ITSN2: variants seen among roughly 807,000 people sequenced by gnomAD.
ITSN2 encodes the protein intersectin 2, also known as intersectin-2.
Under a neutral mutation model 243.7 loss-of-function variants are expected in ITSN2, and 156 were observed. The observed-to-expected ratio is 0.64, with a 90% CI of 0.56 to 0.73. The LOEUF is 0.73. Among genes scored for constraint, ITSN2 ranks in the 30% least tolerant of loss-of-function variants. The probability of loss-of-function intolerance (pLI) is 0.00; values close to 1 mark genes in which losing one functional copy is unlikely to be tolerated. For synonymous variants in ITSN2, 703 were observed against 699.9 expected (o/e 1.00, Z -0.07); for missense variants, 1,801 against 1,996.1 (o/e 0.90, Z 1.86).
At chr2:24,205,180 T>A in intron 38 of ITSN2, 34 bp downstream of exon 38, 3 of 1,574,552 alleles carry the variant, frequency 1.9e-6, no homozygotes, top group Non-Finnish European at 2.6e-6. Flanking sequence ...GGCAGGGCAG[T>A]TATGTCTGCT....
intron 4 of ITSN2, 75 bp from the exon 5 acceptor site, chr2:24,312,450 C>T: frequency 2.6e-6 from 3 of 1,150,256 alleles, no homozygotes; most frequent in Non-Finnish European, 3.6e-6. Context: ...TGGGGATTGA[C>T]AAAGTAAAAA....
At chr2:24,306,555 A>G (rs950882957) in intron 8 of ITSN2, among the ~76,000 whole-genome samples, 3 of 152,214 alleles carry the variant, frequency 2.0e-5, no homozygotes, top group East Asian at 1.9e-4. Context: ...TTATCGCTTT[A>G]AAGTATTCTG....
At chr2:24,210,695 G>A (rs1669394147) in intron 34 of ITSN2, 85 bp downstream of exon 34, 1 of 1,315,774 alleles carries the variant, frequency 7.6e-7, no homozygotes, top group Non-Finnish European at 1.1e-6. Flanking sequence ...CTAAGGTGCA[G>A]ACTGTCCACG....
At chr2:24,277,674 C>A (rs905845640) in intron 17 of ITSN2, among the ~76,000 whole-genome samples, 3 of 152,092 alleles carry the variant, frequency 2.0e-5, no homozygotes, top group African/African-American at 7.3e-5. Context: ...AGCTGTATAA[C>A]CTTAGGAAAG....
At chr2:24,277,840 T>G (rs1227889484) in intron 17 of ITSN2, among the ~76,000 whole-genome samples, 1 of 152,158 alleles carries the variant, frequency 6.6e-6, no homozygotes, top group African/African-American at 2.4e-5. Flanking sequence ...AATAAATACA[T>G]AAATAAATAA....
intron 29 of ITSN2, among the ~76,000 whole-genome samples, chr2:24,243,105 A>G (rs953355241): frequency 7.9e-5 from 12 of 152,262 alleles, no homozygotes; most frequent in Admixed American, 6.5e-4. Context: ...ACCAGCTCAA[A>G]TATCTTCTGT....
rs147853737 is a variant in ITSN2 at position 24,347,844 on chromosome 2, G to A, written c.-34+12460C>T. Among the ~76,000 whole-genome samples the A allele has an allele frequency of 1.5e-3, 230 of 152,084 alleles. 1 individual carries two copies. Among genetic ancestry groups the A allele is most frequent in the South Asian group, 2.1e-4 (1 of 4,816 alleles). On this transcript the variant is annotated intron_variant, in intron 1 of 39. Transcript: ENST00000355123. ...CCTAGCGCTTTTGGGAGGCCAACGCGGGAGAATCATTCGAGGCTGGGAGTT... is the reference window on the plus strand; with the variant it reads ...CCTAGCGCTTTTGGGAGGCCAACGCAGGAGAATCATTCGAGGCTGGGAGTT...
At chr2:24,260,504 TTATTA>T (rs1299716358) in intron 22 of ITSN2, among the ~76,000 whole-genome samples, 1 of 151,666 alleles carries the variant, frequency 6.6e-6, no homozygotes, top group South Asian at 2.1e-4. Context: ...TCTCATCTTC[TTATTA>T]TAATAACTAC....
At position 24,216,091 on chromosome 2, in the gene ITSN2, C is replaced by T. The variant is rs1178243058; in HGVS notation, c.3948G>A (p.Gln1316=). The T allele has an allele frequency of 6.2e-7, 1 of 1,610,474 alleles. No individual in the cohort carries two copies. Among genetic ancestry groups the T allele is most frequent in the African/African-American group, 1.3e-5 (1 of 74,656 alleles). The part of the protein sequence containing the change: ...SCQLNGAALL[Q]QKTDEDTDFK... The stretch of plus-strand genomic sequence containing the variant: ...AATCTGTGTCTTCATCTGTCTTCTG[C>T]TGTAACAGAGCTGCTCCATTAAGCT... The change falls in exon 32 of 40, where the codon CAG becomes CAA. Residue 1316 remains glutamine (Q), a synonymous_variant. Transcript: ENST00000355123.
At chr2:24,233,463 CT>C (rs1671825210) in intron 29 of ITSN2, among the ~76,000 whole-genome samples, 1 of 152,150 alleles carries the variant, frequency 6.6e-6, no homozygotes, top group African/African-American at 2.4e-5. Flanking sequence ...TACCCTCCAT[CT>C]TGCAATTAAC....
At chr2:24,330,424 G>T in intron 1 of ITSN2, 1 of 621,036 alleles carries the variant, frequency 1.6e-6, no homozygotes. Flanking sequence ...AAGGGTGAAG[G>T]GGATGCTAAA....
In ITSN2 at chr2:24,320,246, G is replaced by A. The variant is rs564764582; in HGVS notation, c.32-5022C>T. Among the ~76,000 whole-genome samples, 69 of 151,986 alleles carry A rather than the reference G, an allele frequency of 4.5e-4. 1 individual carries two copies. The highest frequency in any genetic ancestry group is 1.4e-3 in the African/African-American group (60 of 41,456). ...CTTAAAAAAATTAGCCAGGCTGGGC[G>A]CGGTGGCTCACGCCTGTAATCCCAG... is the stretch of plus-strand genomic sequence containing the variant. On this transcript the variant is annotated intron_variant, in intron 2 of 39. Transcript: ENST00000355123.
rs140157851 is a variant in ITSN2, at chr2:24,249,531, T to C, written c.3121-649A>G. 2.0e-5 allele frequency among the ~76,000 whole-genome samples: 3 copies of C among 152,318 alleles called. No homozygotes were observed. Among genetic ancestry groups the C allele is most frequent in the African/African-American group, 4.8e-5 (2 of 41,570 alleles). On this transcript the variant is annotated intron_variant, in intron 25 of 39. Coordinates refer to ENST00000355123, the MANE Select transcript of ITSN2 (RefSeq NM_006277.3). The surrounding 1 kb of genome is among the most constrained non-coding windows in gnomAD (Gnocchi z 4.4). ...AAGAATTTTGTTCTGTTAGTGAACA[T>C]AGCTGCAGTACAAGTATTAAGCAGA...
intron 1 of ITSN2, among the ~76,000 whole-genome samples, chr2:24,345,489 G>A (rs1221296899): frequency 1.3e-5 from 2 of 152,218 alleles, no homozygotes; most frequent in East Asian, 3.9e-4. Context: ...CTTCTTCTAA[G>A]ATAATACCCA....
chr2:24,219,949 G>A (rs1385870477), intron 30 of ITSN2, among the ~76,000 whole-genome samples: 1 of 152,240 alleles, frequency 6.6e-6, no homozygotes, highest in Non-Finnish European at 1.5e-5. Context: ...TGGGAACACA[G>A]GATGAAGGCT....
chr2:24,226,317 TG>T (rs1023320927), intron 29 of ITSN2, among the ~76,000 whole-genome samples: 1 of 152,206 alleles, frequency 6.6e-6, no homozygotes, highest in Non-Finnish European at 1.5e-5. Flanking sequence ...GGCCTCTGCC[TG>T]GGTTTGGCCA....
Position 24,225,481 on chromosome 2 carries a change from TCCCCTGCCGG to T in ITSN2, c.3578-4425_3578-4416del, listed in dbSNP as rs1481727732. 6.6e-6 allele frequency among the ~76,000 whole-genome samples: 1 copy of T among 152,106 alleles called. No individual in the cohort carries two copies. Among genetic ancestry groups the T allele is most frequent in the Non-Finnish European group, 1.5e-5 (1 of 68,008 alleles). On this transcript the variant is annotated intron_variant, in intron 29 of 39. Transcript: ENST00000355123. This position sits in a 1 kb window ranked among gnomAD's most constrained non-coding sequence, Gnocchi z 4.2. ...AGTGACCTCTTCTGAGCTTGCACCC[TCCCCTGCCGG>T]CCCACAGCACAGGCGCCTTGGATGG... is the stretch of plus-strand genomic sequence containing the variant.
In ITSN2 at chr2:24,310,509, G is replaced by A. The variant is rs759439868; in HGVS notation, c.536C>T (p.Pro179Leu). The A allele has an allele frequency of 1.2e-6, 2 of 1,614,094 alleles. No individual in the cohort carries two copies. Among genetic ancestry groups the A allele is most frequent in the Non-Finnish European group, 1.7e-6 (2 of 1,179,968 alleles). The change falls in exon 6 of 40, where the codon CCC becomes CTC. Residue 179 changes from proline (P) to leucine (L), a missense_variant. By Grantham distance (98) the Pro-to-Leu change is moderately conservative. This residue lies in a region of ITSN2 where 787 missense variants were observed against 803.9 expected (regional missense o/e 0.98). Coordinates refer to ENST00000355123, the MANE Select transcript of ITSN2 (RefSeq NM_006277.3). ...NGTASLIQPLPIPYSSSTLPH... is the reference protein window; with the variant it reads ...NGTASLIQPLLIPYSSSTLPH... ...CTCACTTGAAGAAGAATAAGGAATGGGTAAAGGCTGAATGAGACTGGCGGT... is the reference window on the plus strand; with the variant it reads ...CTCACTTGAAGAAGAATAAGGAATGAGTAAAGGCTGAATGAGACTGGCGGT...
chr2:24,226,143 G>A (rs973986815), intron 29 of ITSN2, among the ~76,000 whole-genome samples: 5 of 152,206 alleles, frequency 3.3e-5, no homozygotes, highest in African/African-American at 9.7e-5. Context: ...TGAGCACAGC[G>A]TGTTGGCTAC....
Sources: allele counts gnomAD v4.1 joint callset (sites outside exome capture counted in the v4.1 genomes callset), GRCh38; gene constraint gnomAD v4.1.1; regional missense constraint gnomAD v4.1.1; non-coding constraint Gnocchi (gnomAD v3.1); transcripts MANE v1.5; gene names NCBI Gene and HGNC (gene_info 2026-07-23, HGNC 2026-07-21).